Variants in RYR2 observed in about 807,000 individuals in gnomAD.
The protein encoded by RYR2 is cardiac muscle ryanodine receptor-calcium release channel.
Under a neutral mutation model 601.1 loss-of-function variants are expected in RYR2, and 227 were observed. The ratio of observed to expected loss-of-function variants is 0.38; its 90% confidence interval spans 0.34 to 0.42. RYR2 has a LOEUF of 0.42. RYR2 is among the 10% of genes least tolerant of loss of function. RYR2 has a pLI of 1.00. For synonymous variants in RYR2, 2,223 were observed against 2,175.1 expected (o/e 1.02, Z -0.61); for missense variants, 4,646 against 6,156.5 (o/e 0.75, Z 8.21).
chr1:237,806,387 A>C (rs1660637614), intron 99 of RYR2, 104 bp downstream of exon 99: 1 of 1,184,910 alleles, frequency 8.4e-7, no homozygotes, highest in Non-Finnish European at 1.2e-6. Context: ...AGTTTTAAAG[A>C]TTTTTTTGAA....
intron 1 of RYR2, among the ~76,000 whole-genome samples, chr1:237,212,929 G>T (rs990195883): frequency 6.6e-6 from 1 of 151,542 alleles, no homozygotes; most frequent in African/African-American, 2.4e-5. Flanking sequence ...CCACCACCAC[G>T]CCTGGCTAAT....
intron 1 of RYR2, among the ~76,000 whole-genome samples, chr1:237,212,729 A>T (rs889193831): frequency 8.5e-5 from 13 of 152,198 alleles, no homozygotes; most frequent in Non-Finnish European, 1.8e-4. Flanking sequence ...ATTCCAACAC[A>T]TGGAAAATAA....
In RYR2 at chr1:237,395,782, G is replaced by A. The variant is rs34777231; in HGVS notation, c.773+7599G>A. On this transcript the variant is annotated intron_variant, in intron 10 of 104. Coordinates refer to ENST00000366574, the MANE Select transcript of RYR2 (RefSeq NM_001035.3). ...AGGATGGTCTTGATCTCCTGAACTC[G>A]TGATGCGCCCTCCTCGATGTCCCAA... 6.9e-3 allele frequency among the ~76,000 whole-genome samples: 1,044 copies of A among 152,118 alleles called. 6 individuals are homozygous for A. Among genetic ancestry groups the A allele is most frequent in the Non-Finnish European group, 8.0e-3 (545 of 67,986 alleles).
intron 8 of RYR2, among the ~76,000 whole-genome samples, chr1:237,381,723 A>T (rs577791639): frequency 6.6e-5 from 10 of 152,276 alleles, no homozygotes; most frequent in African/African-American, 2.4e-4. Context: ...AGCACCTGGG[A>T]TTGCTGCACC....
At position 237,832,696 on chromosome 1, in the gene RYR2, CCTCT is replaced by C. The variant is rs750982848; in HGVS notation, c.*53_*56del. 2.8e-4 allele frequency: 297 copies of C among 1,075,424 alleles called. No homozygotes were observed. The African/African-American group carries it at 4.3e-3, about 15-fold the overall frequency. 66.6% of individuals were successfully genotyped at this position (1,075,424 alleles called of 1,614,324 possible). On this transcript the variant is annotated 3_prime_UTR_variant, in exon 105 of 105. Coordinates refer to ENST00000366574, the MANE Select transcript of RYR2 (RefSeq NM_001035.3). Reference sequence around the variant, plus strand: ...AACCAAAACCCTACCCCTCTCTCTCCCTCTCTCAATTTCTCTGCTCTCTTGGAAA... The same window carrying C: ...AACCAAAACCCTACCCCTCTCTCTCCCTCAATTTCTCTGCTCTCTTGGAAA...
At chr1:237,270,932 A>G (rs974816628) in intron 2 of RYR2, among the ~76,000 whole-genome samples, 35 of 152,232 alleles carry the variant, frequency 2.3e-4, no homozygotes, top group Non-Finnish European at 5.0e-4. Context: ...TGGATTATTA[A>G]GTTTGTAAAG....
Position 237,819,170 on chromosome 1 carries a change from C to G in RYR2, c.14568C>G (p.Val4856=). The part of the protein sequence containing the change: ...FDITFFFFVI[V]ILLAIIQGLI... ...TCACTTTCTTCTTCTTTGTTATTGTCATTCTCTTGGCCATAATACAAGGTA... is the reference window on the plus strand; with the variant it reads ...TCACTTTCTTCTTCTTTGTTATTGTGATTCTCTTGGCCATAATACAAGGTA... Residue 4856 remains valine (V), a synonymous_variant, in exon 101 of 105, where the codon GTC becomes GTG. Coordinates refer to ENST00000366574, the MANE Select transcript of RYR2 (RefSeq NM_001035.3). The surrounding 1 kb of genome is among the most constrained non-coding windows in gnomAD (Gnocchi z 4.0). The G allele has an allele frequency of 1.9e-6, 3 of 1,613,600 alleles. No homozygotes were observed. The African/African-American group carries it at 4.0e-5, about 22-fold the overall frequency.
At chr1:237,422,990 A>G in intron 11 of RYR2, 102 bp from the exon 12 acceptor site, 1 of 1,327,516 alleles carries the variant, frequency 7.5e-7, no homozygotes, top group Non-Finnish European at 1.0e-6. Context: ...TGAGAACATT[A>G]AGACAATATA....
chr1:237,046,976 A>G (rs546466250), intron 1 of RYR2, among the ~76,000 whole-genome samples: 4 of 152,228 alleles, frequency 2.6e-5, no homozygotes, highest in African/African-American at 4.8e-5. Flanking sequence ...GGAAAAATGC[A>G]TAAACAAACT....
At chr1:237,498,569 T>G (rs1664308968) in intron 20 of RYR2, among the ~76,000 whole-genome samples, 1 of 151,636 alleles carries the variant, frequency 6.6e-6, no homozygotes, top group Non-Finnish European at 1.5e-5. Flanking sequence ...ACACAGAGAT[T>G]AGATGAAAAA....
At chr1:237,208,629 T>C (rs994558849) in intron 1 of RYR2, among the ~76,000 whole-genome samples, 16 of 152,076 alleles carry the variant, frequency 1.1e-4, no homozygotes, top group African/African-American at 3.6e-4. Flanking sequence ...TGTTTTGATA[T>C]ACACGTACAT....
chr1:237,341,342 C>A (rs1173741866), intron 3 of RYR2, among the ~76,000 whole-genome samples: 1 of 152,122 alleles, frequency 6.6e-6, no homozygotes, highest in Non-Finnish European at 1.5e-5. Flanking sequence ...GTCAGCCATT[C>A]TCAAACATTT....
At chr1:237,596,896 C>G (rs1559087551) in intron 34 of RYR2, among the ~76,000 whole-genome samples, 1 of 152,164 alleles carries the variant, frequency 6.6e-6, no homozygotes, top group Non-Finnish European at 1.5e-5. Flanking sequence ...AATACTATGT[C>G]TAGCAAAGCT....
chr1:237,761,363 A>T (rs923534369), intron 84 of RYR2, among the ~76,000 whole-genome samples: 2 of 152,158 alleles, frequency 1.3e-5, no homozygotes, highest in African/African-American at 4.8e-5. Flanking sequence ...CCTTTCAAGA[A>T]CATTTGACTT....
chr1:237,098,363 C>T lies in RYR2; in HGVS notation c.48+55794C>T, dbSNP rs535930040. Among the ~76,000 whole-genome samples, 5 of 150,126 alleles carry T rather than the reference C, an allele frequency of 3.3e-5. No individual in the cohort carries two copies. In the South Asian group the frequency reaches 1.1e-3, roughly 32 times the overall value. Reference sequence around the variant, plus strand: ...ATCAAGCCAGCTAATATATCCATCACCTCACATAGTTGCCATTGTGTGTAT... The same window carrying T: ...ATCAAGCCAGCTAATATATCCATCATCTCACATAGTTGCCATTGTGTGTAT... On this transcript the variant is annotated intron_variant, in intron 1 of 104. Coordinates refer to ENST00000366574, the MANE Select transcript of RYR2 (RefSeq NM_001035.3).
chr1:237,830,424 C>T (rs2275692), intron 102 of RYR2, 106 bp from the exon 103 acceptor site: 130,160 of 732,036 alleles, frequency 0.18, 13,787 homozygotes, highest in Non-Finnish European at 0.22. Context: ...TGATCTTTGA[C>T]GTGTATTGAG....
At chr1:237,329,001 C>A (rs1696437877) in intron 2 of RYR2, among the ~76,000 whole-genome samples, 3 of 152,242 alleles carry the variant, frequency 2.0e-5, no homozygotes, top group South Asian at 2.1e-4. Flanking sequence ...GGACTGCATA[C>A]TGGATCCTGC....
intron 1 of RYR2, among the ~76,000 whole-genome samples, chr1:237,174,325 A>G (rs1677770790): frequency 6.6e-6 from 1 of 152,164 alleles, no homozygotes; most frequent in Admixed American, 6.5e-5. Flanking sequence ...GAAATAGTAA[A>G]TAACCAGTCT....
At chr1:237,548,187 G>A (rs1022025821) in intron 25 of RYR2, among the ~76,000 whole-genome samples, 1 of 152,162 alleles carries the variant, frequency 6.6e-6, no homozygotes, top group African/African-American at 2.4e-5. Context: ...CTGAGAGACA[G>A]GTAAGTTGTC....
Sources: allele counts gnomAD v4.1 joint callset (sites outside exome capture counted in the v4.1 genomes callset), GRCh38; gene constraint gnomAD v4.1.1; non-coding constraint Gnocchi (gnomAD v3.1); transcripts MANE v1.5; gene names NCBI Gene and HGNC (gene_info 2026-07-23, HGNC 2026-07-21).